The following RFC1 variants were observed in gnomAD, a reference collection of about 807,000 sequenced individuals.
The protein encoded by RFC1 is A1 140 kDa subunit.
Under a neutral mutation model 137.4 loss-of-function variants are expected in RFC1, and 37 were observed. The ratio of observed to expected loss-of-function variants is 0.27; its 90% CI spans 0.21 to 0.35. RFC1 has a LOEUF of 0.35. Ranked by LOEUF, RFC1 falls within the 10% of genes least tolerant of loss-of-function variation. The probability of loss-of-function intolerance (pLI) is 1.00; values close to 1 mark genes in which losing one functional copy is unlikely to be tolerated. For missense variants in RFC1, 1,205 were observed against 1,358.5 expected (o/e 0.89, Z 1.78); for synonymous variants, 429 against 455.7 (o/e 0.94, Z 0.75).
At chr4:39,363,264 A>ATTTTTAAT (rs1741847570) in intron 1 of RFC1, among the ~76,000 whole-genome samples, 6 of 152,190 alleles carry the variant, frequency 3.9e-5, no homozygotes, top group African/African-American at 1.4e-4. Context: ...TATTTCTTTT[A>ATTTTTAAT]TTTTTAATTT....
At chr4:39,319,514 A>G (rs893429428) in intron 9 of RFC1, among the ~76,000 whole-genome samples, 2 of 152,254 alleles carry the variant, frequency 1.3e-5, no homozygotes, top group Non-Finnish European at 2.9e-5. Context: ...CTGACACACA[A>G]TAACAATAAA....
intron 23 of RFC1, among the ~76,000 whole-genome samples, chr4:39,291,247 A>C (rs1418229353): frequency 3.3e-5 from 5 of 152,232 alleles, no homozygotes; most frequent in Non-Finnish European, 7.3e-5. Flanking sequence ...TAGACTAAGA[A>C]AAAGAAAATT....
chr4:39,303,178 T>A, intron 15 of RFC1, 27 bp from the exon 16 acceptor site: 1 of 1,510,548 alleles, frequency 6.6e-7, no homozygotes, highest in Non-Finnish European at 9.2e-7. Context: ...AGCAATGGGA[T>A]GAGACAAAAA....
chr4:39,323,441 A>C (rs1284751090), intron 6 of RFC1, 24 bp from the exon 7 acceptor site: 5 of 1,600,770 alleles, frequency 3.1e-6, no homozygotes, highest in Non-Finnish European at 4.3e-6. Flanking sequence ...CAGCAAAGTG[A>C]GTTGAGTTGC....
Position 39,291,725 on chromosome 4 carries a change from AAT to A in RFC1, c.3080_3081del (p.Tyr1027LeufsTer8). ...VQDVVALMDT[Y>X]YLMKEDFENI... ...TTCTCAAAGTCTTCTTTCATCAAAT[AAT>A]ATGTGTCCATAAGTGCAACAACATC... On this transcript the variant is annotated frameshift_variant, in exon 23 of 25. Coordinates refer to ENST00000349703, the MANE Select transcript of RFC1 (RefSeq NM_002913.5). LOFTEE classifies it high-confidence loss of function. 6.2e-7 allele frequency: 1 copy of A among 1,614,138 alleles called. No homozygotes were observed. Among genetic ancestry groups the A allele is most frequent in the Non-Finnish European group, 8.5e-7 (1 of 1,179,980 alleles).
intron 1 of RFC1, among the ~76,000 whole-genome samples, chr4:39,351,989 A>G (rs1741230959): frequency 6.6e-6 from 1 of 151,832 alleles, no homozygotes; most frequent in Admixed American, 6.6e-5. Flanking sequence ...AAAAAAGAAT[A>G]ATTTGTCTAA....
At chr4:39,324,230 T>TG (rs1739653813) in intron 6 of RFC1, among the ~76,000 whole-genome samples, 1 of 151,706 alleles carries the variant, frequency 6.6e-6, no homozygotes, top group Admixed American at 6.6e-5. Context: ...AAAAGTGAAG[T>TG]GAAAAAAAAG....
At chr4:39,319,038 T>C (rs1240683603) in intron 9 of RFC1, among the ~76,000 whole-genome samples, 2 of 152,190 alleles carry the variant, frequency 1.3e-5, no homozygotes, top group African/African-American at 2.4e-5. Flanking sequence ...TTTTTTCCTT[T>C]AAAAATAATT....
At chr4:39,349,518 C>G (rs972078491) in intron 2 of RFC1, among the ~76,000 whole-genome samples, 1 of 152,106 alleles carries the variant, frequency 6.6e-6, no homozygotes, top group Admixed American at 6.5e-5. Flanking sequence ...GAGGACAACA[C>G]GAGAAGGCAG....
intron 24 of RFC1, 78 bp from the exon 25 acceptor site, chr4:39,288,922 C>G: frequency 1.1e-6 from 1 of 916,822 alleles, no homozygotes; most frequent in South Asian, 1.5e-5. Context: ...TATAACAAAT[C>G]TAATCTTTAC....
Position 39,308,670 on chromosome 4 carries a change from G to C in RFC1, c.1851C>G (p.Asn617Lys). 2 of 1,612,454 alleles carry C rather than the reference G, an allele frequency of 1.2e-6. No individual in the cohort carries two copies. Among genetic ancestry groups the C allele is most frequent in the Non-Finnish European group, 1.7e-6 (2 of 1,179,410 alleles). ...TATCTTCGGAAGAACTCTTTTGCCA[G>C]TTTCGGAGCCAGCGTAGGAGTTTGT... is the stretch of plus-strand genomic sequence containing the variant. The part of the protein sequence containing the change: ...CANKLLRWLR[N>K]WQKSSSEDKK... Residue 617 changes from asparagine (N) to lysine (K), a missense_variant, in exon 13 of 25, where the codon AAC becomes AAG. Transcript: ENST00000349703.
At chr4:39,327,085 T>G (rs1201024120) in intron 5 of RFC1, among the ~76,000 whole-genome samples, 1 of 152,182 alleles carries the variant, frequency 6.6e-6, no homozygotes, top group Non-Finnish European at 1.5e-5. Context: ...GGTATGTCTG[T>G]TTCCTAAATG....
intron 6 of RFC1, among the ~76,000 whole-genome samples, chr4:39,323,764 T>G (rs1376274053): frequency 1.3e-5 from 2 of 152,222 alleles, no homozygotes; most frequent in Non-Finnish European, 2.9e-5. Flanking sequence ...AAAAGACCTC[T>G]GAAAGGAATC....
intron 21 of RFC1, 134 bp downstream of exon 21, chr4:39,299,886 GC>G (rs1308202628): frequency 4.7e-6 from 3 of 631,610 alleles, no homozygotes; most frequent in Non-Finnish European, 8.3e-6. Context: ...CTACACTCCA[GC>G]CCGGGCAACA....
At chr4:39,294,757 C>G (rs570434893) in intron 22 of RFC1, among the ~76,000 whole-genome samples, 1 of 152,206 alleles carries the variant, frequency 6.6e-6, no homozygotes, top group South Asian at 2.1e-4. Context: ...AATCTCAACA[C>G]TTTGGGAGGC....
At position 39,300,245 on chromosome 4, in the gene RFC1, G is replaced by T; in HGVS notation, c.2690+15C>A. 6.2e-7 allele frequency: 1 copy of T among 1,613,994 alleles called. No individual in the cohort carries two copies. Among genetic ancestry groups the T allele is most frequent in the Non-Finnish European group, 8.5e-7 (1 of 1,179,890 alleles). On this transcript the variant is annotated intron_variant, in intron 20 of 24. Coordinates refer to ENST00000349703, the MANE Select transcript of RFC1 (RefSeq NM_002913.5). ...TGGATACTAAGCACACCTCTCACCA[G>T]CTCTGGACACTCACCCTGCTGCTAC... is the stretch of plus-strand genomic sequence containing the variant.
intron 5 of RFC1, among the ~76,000 whole-genome samples, chr4:39,326,992 G>C (rs974484644): frequency 3.9e-5 from 6 of 152,184 alleles, no homozygotes; most frequent in African/African-American, 1.4e-4. Flanking sequence ...ATTGTTCTAT[G>C]GAGGAAGTGA....
chr4:39,331,067 C>T (rs1740079359), intron 4 of RFC1, among the ~76,000 whole-genome samples: 1 of 152,090 alleles, frequency 6.6e-6, no homozygotes, highest in Non-Finnish European at 1.5e-5. Flanking sequence ...TAGTAACTAA[C>T]CATTGAGAAT....
intron 2 of RFC1, among the ~76,000 whole-genome samples, chr4:39,349,751 T>C (rs1043622498): frequency 1.4e-4 from 22 of 152,184 alleles, no homozygotes; most frequent in Non-Finnish European, 2.8e-4. Context: ...ACACCTGTAA[T>C]CCCAGCACTT....
Sources: gnomAD v4.1 joint callset for allele counts (sites outside exome capture counted in the v4.1 genomes callset) on GRCh38, gnomAD v4.1.1 for gene constraint, MANE v1.5 for transcripts, NCBI Gene and HGNC (gene_info 2026-07-23, HGNC 2026-07-21) for gene names.